Variants in UNKL observed in about 807,000 individuals in gnomAD.
UNKL encodes putative E3 ubiquitin-protein ligase UNKL.
In UNKL, 60 loss-of-function variants were observed where a neutral mutation model predicts 78.0. The ratio of observed to expected loss-of-function variants is 0.77; its 90% confidence interval spans 0.63 to 0.95. UNKL has a LOEUF of 0.95. Among genes scored for constraint, UNKL ranks in the 40% least tolerant of loss-of-function variants. The pLI is 0.00. For synonymous variants in UNKL, 608 were observed against 474.8 expected, an observed-to-expected ratio of 1.28 and a Z score of -3.65; for missense variants, 1,159 against 1,045.7, an observed-to-expected ratio of 1.11 and a Z score of -1.49.
rs531593128 is a variant in UNKL at position 1,364,384 on chromosome 16, A to T, written c.*1856T>A. ...ATTTTTACCTAGACGTTTTGCACTT[A>T]AAAAATGCTATTAAAAGTCTTTGGC... is the stretch of plus-strand genomic sequence containing the variant. On this transcript the variant is annotated 3_prime_UTR_variant, in exon 15 of 15. Coordinates refer to ENST00000389221, the MANE Select transcript of UNKL (RefSeq NM_001372107.1). The T allele has an allele frequency of 2.0e-5, 3 of 152,384 alleles. No individual in the cohort carries two copies. The highest frequency in any genetic ancestry group is 2.1e-4 in the South Asian group (1 of 4,830). 9.4% of individuals were successfully genotyped at this position (152,384 alleles called of 1,614,324 possible).
intron 2 of UNKL, among the ~76,000 whole-genome samples, chr16:1,405,549 C>T (rs550160339): frequency 6.6e-6 from 1 of 151,218 alleles, no homozygotes; most frequent in African/African-American, 2.4e-5. Flanking sequence ...GTACTCCAGG[C>T]TGGGTGACAA....
Position 1,394,127 on chromosome 16 carries a change from T to C in UNKL, c.937+4A>G. ...GTGAACCTGCCACAGGGACGGTTAC[T>C]CACTCTCAACGTGTGCAAAGGCACA... is the stretch of plus-strand genomic sequence containing the variant. On this transcript the variant is annotated splice_donor_region_variant and intron_variant, in intron 7 of 14. Coordinates refer to ENST00000389221, the MANE Select transcript of UNKL (RefSeq NM_001372107.1). 1 of 1,549,808 alleles carries C rather than the reference T, an allele frequency of 6.5e-7. No individual in the cohort carries two copies. The highest frequency in any genetic ancestry group is 8.7e-7 in the Non-Finnish European group (1 of 1,146,284).
At chr16:1,376,356 G>A (rs899589213) in intron 10 of UNKL, among the ~76,000 whole-genome samples, 8 of 146,414 alleles carry the variant, frequency 5.5e-5, no homozygotes, top group African/African-American at 7.7e-5. Context: ...TCTAGGGCTG[G>A]GGTGCTCCTC....
At chr16:1,406,857 G>A (rs1424082337) in intron 2 of UNKL, among the ~76,000 whole-genome samples, 1 of 151,992 alleles carries the variant, frequency 6.6e-6, no homozygotes, top group Non-Finnish European at 1.5e-5. Flanking sequence ...CAGACTCCTG[G>A]CCGGGCACAG....
At chr16:1,384,694 G>A (rs989286818) in intron 10 of UNKL, among the ~76,000 whole-genome samples, 5 of 152,082 alleles carry the variant, frequency 3.3e-5, no homozygotes, top group African/African-American at 1.2e-4. Context: ...GACCTCCTGG[G>A]TTCAAGGGAT....
intron 13 of UNKL, 146 bp from the exon 14 acceptor site, chr16:1,367,495 T>TCCCTCC: frequency 1.0e-5 from 1 of 97,000 alleles, no homozygotes; most frequent in Non-Finnish European, 1.5e-5. Flanking sequence ...CCTCCCTCCC[T>TCCCTCC]CCCTCCCTCC....
intron 10 of UNKL, among the ~76,000 whole-genome samples, chr16:1,381,392 G>A (rs2036600682): frequency 6.6e-6 from 1 of 152,218 alleles, no homozygotes; most frequent in Non-Finnish European, 1.5e-5. Flanking sequence ...GGCTGAGGTG[G>A]GCGGATCACC....
rs1001585911 is a variant in UNKL, at chr16:1,387,505, G to A, written c.1087-2120C>T. On this transcript the variant is annotated intron_variant, in intron 9 of 14. Transcript: ENST00000389221. This position sits in a 1 kb window ranked among gnomAD's most constrained non-coding sequence, Gnocchi z 4.1. The stretch of plus-strand genomic sequence containing the variant: ...ATCCAGGAGCAACGCACACCTGGGA[G>A]CTCCTTGTACCCCGATGGCTTGGAT... Among the ~76,000 whole-genome samples, 2 of 152,200 alleles carry A rather than the reference G, an allele frequency of 1.3e-5. No homozygotes were observed. Among genetic ancestry groups the A allele is most frequent in the African/African-American group, 2.4e-5 (1 of 41,452 alleles).
chr16:1,385,276 G>A lies in UNKL; in HGVS notation c.1196C>T (p.Ala399Val), dbSNP rs1322377172. 12 of 1,358,948 alleles carry A rather than the reference G, an allele frequency of 8.8e-6. No homozygotes were observed. Among genetic ancestry groups the A allele is most frequent in the Admixed American group, 3.8e-5 (1 of 26,088 alleles). The allele number at this position is 1,358,948 out of a possible 1,614,324, so 84.2% of individuals were successfully genotyped here. ...SAGSGSSSPTALPAPPARALP... is the reference protein window; with the variant it reads ...SAGSGSSSPTVLPAPPARALP... ...GGCACGGGCGGGGGGCGCGGGCAGC[G>A]CAGTGGGGGAGGAGCTGCCGGAGCC... Residue 399 changes from alanine to valine, a missense_variant, in exon 10 of 15, where the codon GCG becomes GTG. By Grantham distance (64) the Ala-to-Val change is moderately conservative. Transcript: ENST00000389221.
Position 1,390,670 on chromosome 16 carries a change from C to T in UNKL, c.1048G>A (p.Glu350Lys), listed in dbSNP as rs1207938715. Reference protein sequence around the residue: ...GNAKRRDSPAEGGPRGSEQDS... With the variant: ...GNAKRRDSPAKGGPRGSEQDS... ...TGCTCGCTGCCCCTAGGGCCACCCT[C>T]GGCCGGCGAGTCTCTCCGCTTGGCC... is the stretch of plus-strand genomic sequence containing the variant. Residue 350 changes from glutamate to lysine, a missense_variant, in exon 9 of 15, where the codon GAG becomes AAG. Physicochemically the swap from Glu to Lys is moderately conservative, Grantham distance 56. Coordinates refer to ENST00000389221, the MANE Select transcript of UNKL (RefSeq NM_001372107.1). The T allele has an allele frequency of 5.2e-5, 80 of 1,536,080 alleles. No individual in the cohort carries two copies. Among genetic ancestry groups the T allele is most frequent in the East Asian group, 1.7e-4 (7 of 40,916 alleles).
rs762555613 is a variant in UNKL at position 1,385,353 on chromosome 16, C to A, written c.1119G>T (p.Pro373=). The change falls in exon 10 of 15, where the codon CCG becomes CCT. Residue 373 remains proline (P), a synonymous_variant. Coordinates refer to ENST00000389221, the MANE Select transcript of UNKL (RefSeq NM_001372107.1). Reference sequence around the variant, plus strand: ...CGCTGGAGCTCACGCTGGGGGCCGGCGGGTGGACCGCTGCAAACACGGCCA... The same window carrying A: ...CGCTGGAGCTCACGCTGGGGGCCGGAGGGTGGACCGCTGCAAACACGGCCA... ...NHLAVFAAVH[P]PAPSVSSSVA... 8 of 1,414,370 alleles carry A rather than the reference C, an allele frequency of 5.7e-6. No individual in the cohort carries two copies. The African/African-American group carries it at 9.0e-5, about 16-fold the overall frequency. 87.6% of individuals were successfully genotyped at this position (1,414,370 alleles called of 1,614,324 possible). A position where few individuals can be genotyped will look rare whatever the true frequency, so the allele number is the denominator to read the frequency against.
At chr16:1,405,091 G>C (rs2037690411) in intron 2 of UNKL, among the ~76,000 whole-genome samples, 1 of 151,982 alleles carries the variant, frequency 6.6e-6, no homozygotes, top group Non-Finnish European at 1.5e-5. Flanking sequence ...CTACTTGGGA[G>C]GCTGAGGAGG....
intron 14 of UNKL, 89 bp from the exon 15 acceptor site, chr16:1,366,484 G>T: frequency 7.0e-7 from 1 of 1,420,022 alleles, no homozygotes; most frequent in Non-Finnish European, 9.3e-7. Flanking sequence ...GCAGGACTCA[G>T]CATCTCAGGC....
chr16:1,382,687 A>G (rs918837389), intron 10 of UNKL, among the ~76,000 whole-genome samples: 2 of 152,166 alleles, frequency 1.3e-5, no homozygotes, highest in African/African-American at 4.8e-5. Flanking sequence ...GTCGGGCACA[A>G]TGGTTCACAC....
chr16:1,407,734 A>G (rs991599237), intron 2 of UNKL, among the ~76,000 whole-genome samples: 16 of 150,866 alleles, frequency 1.1e-4, no homozygotes, highest in African/African-American at 2.9e-4. Flanking sequence ...CTGTGTGTCA[A>G]TCTGGAAAAG....
intron 10 of UNKL, among the ~76,000 whole-genome samples, chr16:1,378,261 C>T (rs2036375969): frequency 6.6e-6 from 1 of 152,230 alleles, no homozygotes; most frequent in African/African-American, 2.4e-5. Flanking sequence ...CCACAGCCCC[C>T]TCATGCTCCC....
chr16:1,413,858 G>T lies in UNKL; in HGVS notation c.275C>A (p.Pro92His). Residue 92 changes from proline (P) to histidine (H), a missense_variant, in exon 2 of 15, where the codon CCC becomes CAC. Coordinates refer to ENST00000389221, the MANE Select transcript of UNKL (RefSeq NM_001372107.1). ...CGCGGCCGCTTACTCGTCGCCGTCG[G>T]GGCACACGCCGGTGGCTTCGTTGTA... ...SKYNEATGVC[P>H]DGDECPYLHR... The T allele has an allele frequency of 6.6e-7, 1 of 1,525,572 alleles. No homozygotes were observed. The highest frequency in any genetic ancestry group is 1.2e-5 in the South Asian group (1 of 83,430). The allele number at this position is 1,525,572 out of a possible 1,614,324, so 94.5% of individuals were successfully genotyped here. A position where few individuals can be genotyped will look rare whatever the true frequency, so the allele number is the denominator to read the frequency against.
chr16:1,363,634 A>G lies in UNKL; in HGVS notation c.*2606T>C, dbSNP rs2035012394. ...GAGCTGCTGGGCGCGCCTCCACCTC[A>G]GCCTCCACGGGGCACCTTCCAGCCA... On this transcript the variant is annotated 3_prime_UTR_variant, in exon 15 of 15. Transcript: ENST00000389221. The G allele has an allele frequency of 1.0e-5, 2 of 195,628 alleles. No individual in the cohort carries two copies. The highest frequency in any genetic ancestry group is 2.4e-3 in the Middle Eastern group (1 of 420). The allele number at this position is 195,628 out of a possible 1,614,324, so 12.1% of individuals were successfully genotyped here. A position where few individuals can be genotyped will look rare whatever the true frequency, so the allele number is the denominator to read the frequency against.
intron 2 of UNKL, among the ~76,000 whole-genome samples, chr16:1,404,882 C>A (rs1394193526): frequency 4.6e-5 from 7 of 152,124 alleles, no homozygotes; most frequent in Non-Finnish European, 8.8e-5. Context: ...TCCAGCCACA[C>A]AGTGGGGTAT....
Sources: allele counts gnomAD v4.1 joint callset (sites outside exome capture counted in the v4.1 genomes callset), GRCh38; gene constraint gnomAD v4.1.1; non-coding constraint Gnocchi (gnomAD v3.1); transcripts MANE v1.5; gene names NCBI Gene and HGNC (gene_info 2026-07-23, HGNC 2026-07-21).